Variants in PCDHA5 observed in about 807,000 individuals in gnomAD.
PCDHA5 encodes protocadherin alpha-5.
Under a neutral mutation model 61.6 loss-of-function variants are expected in PCDHA5, and 43 were observed. That is an observed-to-expected ratio of 0.70 (90% CI 0.55 to 0.90). PCDHA5 has a LOEUF of 0.90. Ranked by LOEUF, PCDHA5 falls within the 40% of genes least tolerant of loss-of-function variation. The pLI is 0.00. For missense variants in PCDHA5, 1,298 were observed against 1,222.7 expected (o/e 1.06, Z -0.92); for synonymous variants, 627 against 543.9 (o/e 1.15, Z -2.13).
chr5:140,872,973 T>C (rs1562677174), intron 1 of PCDHA5, among the ~76,000 whole-genome samples: 1 of 152,212 alleles, frequency 6.6e-6, no homozygotes, highest in African/African-American at 2.4e-5. Flanking sequence ...ATCTGAAGAT[T>C]TGAGCAAAGA....
At chr5:140,828,517 T>C (rs2150156285) in intron 1 of PCDHA5, 3 of 1,614,174 alleles carry the variant, frequency 1.9e-6, no homozygotes, top group Non-Finnish European at 2.5e-6. Flanking sequence ...GAGTGCTGAT[T>C]TACGAATCTA....
rs2150362275 is a variant in PCDHA5 at position 140,843,540 on chromosome 5, T to G, written c.2352+19413T>G. On this transcript the variant is annotated intron_variant, in intron 1 of 3. Transcript: ENST00000529859. Reference sequence around the variant, plus strand: ...TGCCGGGCGGGCAAGCCCACTCTGGTGTGCTCCAGTGCGGTGGGGAGCTGG... The same window carrying G: ...TGCCGGGCGGGCAAGCCCACTCTGGGGTGCTCCAGTGCGGTGGGGAGCTGG... 12 of 1,595,850 alleles carry G rather than the reference T, an allele frequency of 7.5e-6. 3 individuals are homozygous for G. Among genetic ancestry groups the G allele is most frequent in the Non-Finnish European group, 1.0e-5 (12 of 1,165,530 alleles).
intron 1 of PCDHA5, chr5:140,829,601 T>C (rs2150171012): frequency 1.2e-5 from 20 of 1,611,826 alleles, no homozygotes; most frequent in Admixed American, 6.7e-5. Flanking sequence ...CGAGCGCGCG[T>C]TGTCGAGCTA....
rs1039422866 is a variant in PCDHA5 at position 140,928,669 on chromosome 5, A to G, written c.2353-50280A>G. 6 of 1,614,042 alleles carry G rather than the reference A, an allele frequency of 3.7e-6. No homozygotes were observed. The African/African-American group carries it at 6.7e-5, about 18-fold the overall frequency. On this transcript the variant is annotated intron_variant, in intron 1 of 3. Transcript: ENST00000529859. ...AGCAGAGGATGCTGACAGTGGTTCT[A>G]ATGCCTGGCTTTCCTACCACATCTC...
intron 1 of PCDHA5, among the ~76,000 whole-genome samples, chr5:140,845,887 A>G (rs1214611865): frequency 6.7e-6 from 1 of 149,822 alleles, no homozygotes; most frequent in Non-Finnish European, 1.5e-5. Context: ...AATGTCAGAA[A>G]GTCGTTATGG....
intron 1 of PCDHA5, among the ~76,000 whole-genome samples, chr5:140,941,211 C>CTCT (rs2092852939): frequency 7.7e-6 from 1 of 129,628 alleles, no homozygotes; most frequent in East Asian, 2.4e-4. Context: ...TCCTTTCTTT[C>CTCT]TTCCTTTCTT....
rs1247544483 is a variant in PCDHA5, at chr5:140,836,573, C to T, written c.2352+12446C>T. 4.3e-6 allele frequency: 7 copies of T among 1,613,572 alleles called. 1 individual carries two copies. Among genetic ancestry groups the T allele is most frequent in the Non-Finnish European group, 5.9e-6 (7 of 1,179,840 alleles). ...GGTGCTCAGCGCCGTCCTCTGAGGGCGCATGTAGTTTGGTAAAGCCCACTC... is the reference window on the plus strand; with the variant it reads ...GGTGCTCAGCGCCGTCCTCTGAGGGTGCATGTAGTTTGGTAAAGCCCACTC... On this transcript the variant is annotated intron_variant, in intron 1 of 3. Coordinates refer to ENST00000529859, the MANE Select transcript of PCDHA5 (RefSeq NM_018908.3).
Position 140,823,690 on chromosome 5 carries a change from A to G in PCDHA5, c.1915A>G (p.Thr639Ala). ...EISTTRSLDE[T>A]EAPRHRLLVL... Reference sequence around the variant, plus strand: ...CAGCACAACACGCTCTCTGGATGAGACCGAAGCACCGCGCCACCGCCTTCT... The same window carrying G: ...CAGCACAACACGCTCTCTGGATGAGGCCGAAGCACCGCGCCACCGCCTTCT... The change falls in exon 1 of 4, where the codon ACC (threonine) becomes GCC (alanine). Residue 639 changes from threonine to alanine, a missense_variant. By Grantham distance (58) the Thr-to-Ala change is moderately conservative (BLOSUM62 0). Coordinates refer to ENST00000529859, the MANE Select transcript of PCDHA5 (RefSeq NM_018908.3). 1.2e-6 allele frequency: 2 copies of G among 1,613,904 alleles called. No individual in the cohort carries two copies. Among genetic ancestry groups the G allele is most frequent in the South Asian group, 2.2e-5 (2 of 91,088 alleles).
At position 141,011,003 on chromosome 5, in the gene PCDHA5, C is replaced by G. The variant is rs748731648; in HGVS notation, c.*1066C>G. 2.0e-5 allele frequency: 3 copies of G among 153,824 alleles called. No homozygotes were observed. In the South Asian group the frequency reaches 6.2e-4, roughly 32 times the overall value. 9.5% of individuals were successfully genotyped at this position (153,824 alleles called of 1,614,324 possible). On this transcript the variant is annotated 3_prime_UTR_variant, in exon 4 of 4. Coordinates refer to ENST00000529859, the MANE Select transcript of PCDHA5 (RefSeq NM_018908.3). ...ATTGCCTGAAACATCTGTATTATAT[C>G]GGCCACCTGCCAATCACAGCTTTAC...
At chr5:140,875,413 C>T (rs2055464602) in intron 1 of PCDHA5, 2 of 1,507,300 alleles carry the variant, frequency 1.3e-6, no homozygotes, top group South Asian at 2.7e-5. Flanking sequence ...TCATAAAATA[C>T]CTCAGGCAAG....
chr5:140,962,495 C>T (rs2153732507), intron 1 of PCDHA5, among the ~76,000 whole-genome samples: 1 of 152,240 alleles, frequency 6.6e-6, no homozygotes, highest in Admixed American at 6.5e-5. Context: ...AATTTTCAGA[C>T]ACCTCAGCCA....
chr5:140,856,987 C>G (rs144244943), intron 1 of PCDHA5: 1 of 1,595,238 alleles, frequency 6.3e-7, no homozygotes, highest in Non-Finnish European at 8.6e-7. Flanking sequence ...AGGACAGTAA[C>G]ACTTATGAAA....
intron 1 of PCDHA5, among the ~76,000 whole-genome samples, chr5:140,932,017 G>GT (rs1385498128): frequency 2.6e-5 from 4 of 151,792 alleles, no homozygotes; most frequent in African/African-American, 9.7e-5. Context: ...TTAGTTTACG[G>GT]TAAGTTTACA....
chr5:140,873,739 C>A (rs571863406), intron 1 of PCDHA5, among the ~76,000 whole-genome samples: 1 of 152,294 alleles, frequency 6.6e-6, no homozygotes, highest in African/African-American at 2.4e-5. Flanking sequence ...CAGCTCACTG[C>A]AATCTCCACC....
chr5:140,911,036 G>A (rs2075296113), intron 1 of PCDHA5, among the ~76,000 whole-genome samples: 1 of 152,104 alleles, frequency 6.6e-6, no homozygotes, highest in African/African-American at 2.4e-5. Flanking sequence ...AGGTCTAGAA[G>A]CAAACAGGGG....
At chr5:140,843,820 T>A in intron 1 of PCDHA5, 1 of 1,210,794 alleles carries the variant, frequency 8.3e-7, no homozygotes, top group South Asian at 1.5e-5. Flanking sequence ...TAGTGAAAAT[T>A]TAAACATTGT....
chr5:140,903,908 T>G (rs1248455998), intron 1 of PCDHA5, among the ~76,000 whole-genome samples: 2 of 152,242 alleles, frequency 1.3e-5, no homozygotes, highest in East Asian at 1.9e-4. Flanking sequence ...GTCAATGATG[T>G]GACTTCCTTG....
At chr5:140,869,479 A>G (rs781927972) in intron 1 of PCDHA5, 35 of 1,614,086 alleles carry the variant, frequency 2.2e-5, no homozygotes, top group Middle Eastern at 1.6e-4. Context: ...GGTGAAGGAC[A>G]TTAACGACAA....
chr5:140,978,652 C>T (rs555324579), intron 1 of PCDHA5, among the ~76,000 whole-genome samples: 2 of 152,320 alleles, frequency 1.3e-5, no homozygotes, highest in East Asian at 1.9e-4. Flanking sequence ...CTGTTCTTCC[C>T]GTAGTGTTTT....
Sources: allele counts gnomAD v4.1 joint callset (sites outside exome capture counted in the v4.1 genomes callset), GRCh38; gene constraint gnomAD v4.1.1; transcripts MANE v1.5; gene names NCBI Gene and HGNC (gene_info 2026-07-23, HGNC 2026-07-21).